Variants in HDAC9 observed in about 807,000 individuals in gnomAD.
HDAC9 encodes the protein MEF-2 interacting transcription repressor (MITR) protein.
In HDAC9, 41 loss-of-function variants were observed where a neutral mutation model predicts 139.4. The ratio of observed to expected loss-of-function variants is 0.29; its 90% confidence interval spans 0.23 to 0.38. The LOEUF (loss-of-function observed/expected upper bound fraction) is 0.38. Ranked by LOEUF, HDAC9 falls within the 10% of genes least tolerant of loss-of-function variation. The pLI, the probability that HDAC9 is intolerant of heterozygous loss-of-function variation, is 1.00. For synonymous variants in HDAC9, 517 were observed against 476.2 expected (o/e 1.09, Z -1.12); for missense variants, 1,147 against 1,297.0 (o/e 0.88, Z 1.78).
At chr7:18,827,734 TGC>T (rs1203839076) in intron 17 of HDAC9, among the ~76,000 whole-genome samples, 17 of 152,202 alleles carry the variant, frequency 1.1e-4, no homozygotes, top group Non-Finnish European at 2.4e-4. Context: ...GTTCTTTACA[TGC>T]TAATTATATT....
intron 1 of HDAC9, among the ~76,000 whole-genome samples, chr7:18,411,817 CTTT>C (rs71014326): frequency 0.021 from 1,866 of 88,902 alleles, 10 homozygotes; most frequent in Middle Eastern, 0.13. Context: ...TTTCAACTTG[CTTT>C]TTTTTTTTTT....
chr7:18,992,472 C>T (rs1277753317), intron 25 of HDAC9, among the ~76,000 whole-genome samples: 3 of 152,094 alleles, frequency 2.0e-5, no homozygotes, highest in South Asian at 2.1e-4. Flanking sequence ...TTAAAGAACA[C>T]TTGCAAACAA....
intron 7 of HDAC9, among the ~76,000 whole-genome samples, chr7:18,630,201 C>T (rs528878528): frequency 6.6e-6 from 1 of 152,114 alleles, no homozygotes; most frequent in South Asian, 2.1e-4. Context: ...CTTCTACTTA[C>T]TACTGTTTTT....
intron 23 of HDAC9, among the ~76,000 whole-genome samples, chr7:18,937,052 T>C (rs1178879363): frequency 2.1e-5 from 3 of 146,166 alleles, no homozygotes; most frequent in African/African-American, 7.6e-5. Flanking sequence ...TTTTTTTTTT[T>C]TTTCTGAGAT....
At chr7:18,994,528 T>A (rs2129353528) in intron 25 of HDAC9, among the ~76,000 whole-genome samples, 1 of 152,320 alleles carries the variant, frequency 6.6e-6, no homozygotes, top group Middle Eastern at 3.4e-3. Flanking sequence ...AAGAAGCAAC[T>A]TTTTAAATAT....
intron 1 of HDAC9, among the ~76,000 whole-genome samples, chr7:18,396,400 A>G (rs1469630907): frequency 6.6e-6 from 1 of 152,144 alleles, no homozygotes; most frequent in Non-Finnish European, 1.5e-5. Context: ...GATAGTATAG[A>G]TGAGCTCATC....
chr7:18,263,065 G>T lies in HDAC9; in HGVS notation c.25+100716G>T, dbSNP rs61314296. 2.8e-3 allele frequency among the ~76,000 whole-genome samples: 427 copies of T among 152,228 alleles called. 2 individuals carry two copies. Among genetic ancestry groups the T allele is most frequent in the African/African-American group, 9.5e-3 (394 of 41,558 alleles). On this transcript the variant is annotated intron_variant, in intron 2 of 12. Coordinates refer to the HDAC9 transcript ENST00000417496. ...CCAATAAAAAAAGCAGATGTTGAAAGAATGGATAAGAAAATATTATCTATT... is the reference window on the plus strand; with the variant it reads ...CCAATAAAAAAAGCAGATGTTGAAATAATGGATAAGAAAATATTATCTATT...
chr7:18,549,426 TAAAC>T (rs1340281116), intron 2 of HDAC9, among the ~76,000 whole-genome samples: 3 of 152,178 alleles, frequency 2.0e-5, no homozygotes, highest in East Asian at 1.9e-4. Flanking sequence ...GCTGAATAGT[TAAAC>T]AAACTGTGTG....
chr7:18,781,226 G>A (rs149208871), intron 16 of HDAC9, among the ~76,000 whole-genome samples: 2 of 151,938 alleles, frequency 1.3e-5, no homozygotes, highest in Non-Finnish European at 2.9e-5. Flanking sequence ...ATTGATTGCT[G>A]AATACAGTCC....
intron 11 of HDAC9, among the ~76,000 whole-genome samples, chr7:18,658,899 C>CAAAAAAAAAAAAAAAAAAAAAA (rs11306117): frequency 8.5e-6 from 1 of 118,154 alleles, no homozygotes; most frequent in African/African-American, 2.8e-5. Context: ...AAAAAAAAAG[C>CAAAAAAAAAAAAAAAAAAAAAA]AAAAAAAAAA....
intron 21 of HDAC9, among the ~76,000 whole-genome samples, chr7:18,867,458 A>G (rs1563004457): frequency 6.6e-6 from 1 of 152,210 alleles, no homozygotes; most frequent in Non-Finnish European, 1.5e-5. Flanking sequence ...GTTTTAAAGT[A>G]TTTAAGTCAC....
intron 22 of HDAC9, among the ~76,000 whole-genome samples, chr7:18,912,795 T>C (rs1161415983): frequency 3.3e-5 from 5 of 152,092 alleles, no homozygotes; most frequent in African/African-American, 1.2e-4. Context: ...AAAATTAGAG[T>C]AATCCCCTAT....
intron 1 of HDAC9, among the ~76,000 whole-genome samples, chr7:18,158,901 C>T (rs113448151): frequency 3.3e-5 from 5 of 152,290 alleles, no homozygotes; most frequent in African/African-American, 1.2e-4. Context: ...AGTTGTTGCT[C>T]CGTGCTACAT....
At chr7:18,367,156 G>T (rs773906077) in intron 1 of HDAC9, among the ~76,000 whole-genome samples, 3 of 151,990 alleles carry the variant, frequency 2.0e-5, no homozygotes, top group Non-Finnish European at 4.4e-5. Flanking sequence ...GTAAATAGAA[G>T]AAATACAATC....
chr7:18,502,550 A>G (rs1194388418), intron 2 of HDAC9: 1 of 152,260 alleles, frequency 6.6e-6, no homozygotes, highest in Non-Finnish European at 1.5e-5. Context: ...ATAATAAAGT[A>G]AATGGACTAT....
chr7:18,805,202 A>G (rs1416782199), intron 17 of HDAC9, among the ~76,000 whole-genome samples: 1 of 152,228 alleles, frequency 6.6e-6, no homozygotes, highest in Non-Finnish European at 1.5e-5. Context: ...AAGGGGAAGG[A>G]CAGTAAGGAA....
intron 12 of HDAC9, 99 bp downstream of exon 12, chr7:18,666,575 G>C (rs1562823250): frequency 6.6e-7 from 1 of 1,508,898 alleles, no homozygotes; most frequent in African/African-American, 1.4e-5. Flanking sequence ...TTTCCTATCA[G>C]TTTATATTTC....
At chr7:18,912,494 G>T (rs1379723886) in intron 22 of HDAC9, among the ~76,000 whole-genome samples, 1 of 151,960 alleles carries the variant, frequency 6.6e-6, no homozygotes, top group African/African-American at 2.4e-5. Flanking sequence ...CTGAAAATTA[G>T]CCTAATTTAG....
intron 1 of HDAC9, among the ~76,000 whole-genome samples, chr7:18,485,629 A>G (rs1325996394): frequency 6.6e-6 from 1 of 151,760 alleles, no homozygotes; most frequent in East Asian, 1.9e-4. Flanking sequence ...ATGTATTAAT[A>G]TTATATTATA....
Sources: allele counts gnomAD v4.1 joint callset (sites outside exome capture counted in the v4.1 genomes callset), GRCh38; gene constraint gnomAD v4.1.1; transcripts MANE v1.5; gene names NCBI Gene and HGNC (gene_info 2026-07-23, HGNC 2026-07-21).